Variants in TTLL11 observed in about 807,000 individuals in gnomAD.
The protein encoded by TTLL11 is tubulin polyglutamylase TTLL11.
In TTLL11, 42 loss-of-function variants were observed where a neutral mutation model predicts 51.7. The ratio of observed to expected loss-of-function variants is 0.81; its 90% CI spans 0.64 to 1.05. The LOEUF is 1.05. Among genes scored for constraint, TTLL11 ranks in the 50% least tolerant of loss-of-function variants. The pLI is 0.00. For synonymous variants in TTLL11, 381 were observed against 383.5 expected (o/e 0.99, Z 0.08); for missense variants, 799 against 940.4 (o/e 0.85, Z 1.97).
chr9:121,931,602 AAAAGAAAAG>A (rs1840984903), intron 6 of TTLL11, among the ~76,000 whole-genome samples: 2 of 150,606 alleles, frequency 1.3e-5, no homozygotes, highest in African/African-American at 4.9e-5. Context: ...AAAAAAAAAA[AAAAGAAAAG>A]AAAAGAAAGA....
chr9:121,852,921 GC>G (rs1837707707), intron 8 of TTLL11, among the ~76,000 whole-genome samples: 2 of 152,248 alleles, frequency 1.3e-5, no homozygotes, highest in African/African-American at 4.8e-5. Flanking sequence ...CGTGAAACTG[GC>G]CTACTTATCC....
rs1251076804 is a variant in TTLL11, at chr9:121,863,132, G to A, written c.1734-2689C>T. Among the ~76,000 whole-genome samples the A allele has an allele frequency of 4.6e-5, 7 of 152,176 alleles. No homozygotes were observed. In the South Asian group the frequency reaches 8.3e-4, roughly 18 times the overall value. On this transcript the variant is annotated intron_variant, in intron 7 of 8. Transcript: ENST00000321582. ...GGCTCCTGCTCCGTATTTCAATCAC[G>A]AGTCGCGGTGGCAGACTTCAAAGCA...
At chr9:121,904,179 CTT>C (rs200568154) in intron 6 of TTLL11, among the ~76,000 whole-genome samples, 20 of 142,586 alleles carry the variant, frequency 1.4e-4, no homozygotes, top group Admixed American at 1.4e-4. Context: ...TTGATACATT[CTT>C]TTTTTTTTTT....
intron 8 of TTLL11, among the ~76,000 whole-genome samples, chr9:121,834,384 C>T (rs924906712): frequency 4.6e-5 from 7 of 152,296 alleles, no homozygotes; most frequent in Non-Finnish European, 8.8e-5. Flanking sequence ...TGGTCCGGGT[C>T]CCAGCTCTCC....
chr9:122,070,116 C>A (rs1181208179), intron 1 of TTLL11, among the ~76,000 whole-genome samples: 1 of 151,958 alleles, frequency 6.6e-6, no homozygotes, highest in Non-Finnish European at 1.5e-5. Flanking sequence ...CCATGAAGAG[C>A]AACATATAGA....
At chr9:121,869,581 T>G (rs1838283734) in intron 7 of TTLL11, among the ~76,000 whole-genome samples, 2 of 152,230 alleles carry the variant, frequency 1.3e-5, no homozygotes, top group Admixed American at 6.5e-5. Flanking sequence ...CGAGACTCTG[T>G]GTAGGACCAT....
intron 6 of TTLL11, among the ~76,000 whole-genome samples, chr9:121,930,308 G>C (rs570710277): frequency 2.2e-4 from 34 of 152,188 alleles, no homozygotes; most frequent in Non-Finnish European, 3.8e-4. Flanking sequence ...CAAGGAGAGA[G>C]AAAAAGGCCT....
At chr9:121,831,607 G>GGA (rs2119124281) in intron 8 of TTLL11, among the ~76,000 whole-genome samples, 1 of 151,866 alleles carries the variant, frequency 6.6e-6, no homozygotes, top group Admixed American at 6.5e-5. Context: ...GGCTGAGCCA[G>GGA]GAGAATCACT....
intron 6 of TTLL11, among the ~76,000 whole-genome samples, chr9:121,949,306 A>G (rs1841779245): frequency 6.6e-6 from 1 of 152,178 alleles, no homozygotes; most frequent in African/African-American, 2.4e-5. Flanking sequence ...TTTGGGGAGG[A>G]AAATCATTGA....
chr9:121,915,437 G>A (rs1247286632), intron 6 of TTLL11, among the ~76,000 whole-genome samples: 2 of 152,168 alleles, frequency 1.3e-5, no homozygotes, highest in East Asian at 1.9e-4. Flanking sequence ...AGTTAGTTCC[G>A]CTTTCTTCTG....
intron 8 of TTLL11, among the ~76,000 whole-genome samples, chr9:121,841,786 A>G (rs553419684): frequency 6.6e-6 from 1 of 152,228 alleles, no homozygotes; most frequent in African/African-American, 2.4e-5. Flanking sequence ...GTTGTCTAGC[A>G]GCAGCCGTCG....
chr9:121,927,628 ATT>A (rs59367881), intron 6 of TTLL11, among the ~76,000 whole-genome samples: 6,784 of 144,032 alleles, frequency 0.047, 255 homozygotes, highest in African/African-American at 0.1. Flanking sequence ...AGAAGGTGGC[ATT>A]TTTTTTTTTT....
At chr9:121,921,168 A>C (rs1031630826) in intron 6 of TTLL11, among the ~76,000 whole-genome samples, 4 of 152,242 alleles carry the variant, frequency 2.6e-5, no homozygotes, top group African/African-American at 9.6e-5. Context: ...GGTATGCAAA[A>C]GACGTCCGTC....
intron 6 of TTLL11, among the ~76,000 whole-genome samples, chr9:121,899,362 T>TGA (rs1839662002): frequency 1.1e-5 from 1 of 93,064 alleles, no homozygotes; most frequent in Admixed American, 1.5e-4. Context: ...TGTATGTGTG[T>TGA]GTGTATATAT....
At chr9:122,047,522 C>T (rs947064962) in intron 1 of TTLL11, among the ~76,000 whole-genome samples, 3 of 151,888 alleles carry the variant, frequency 2.0e-5, no homozygotes, top group Admixed American at 6.6e-5. Flanking sequence ...GCCCCCACCC[C>T]CTCTCCCCAG....
At chr9:122,025,574 C>G (rs147789116) in intron 3 of TTLL11, among the ~76,000 whole-genome samples, 2 of 152,098 alleles carry the variant, frequency 1.3e-5, no homozygotes, top group African/African-American at 4.8e-5. Flanking sequence ...GAGCTGTGAT[C>G]GGGCCACTGC....
chr9:122,079,751 A>G (rs1421143606), intron 1 of TTLL11, among the ~76,000 whole-genome samples: 1 of 152,090 alleles, frequency 6.6e-6, no homozygotes. Flanking sequence ...TTTGGCAATA[A>G]AACTGCCAAA....
chr9:121,969,339 G>T (rs913200136), intron 6 of TTLL11, among the ~76,000 whole-genome samples: 3 of 152,112 alleles, frequency 2.0e-5, no homozygotes, highest in African/African-American at 7.2e-5. Context: ...GCCAAGGTGG[G>T]TGTCAGCAGA....
At position 122,066,736 on chromosome 9, in the gene TTLL11, T is replaced by C. The variant is rs535772378; in HGVS notation, c.462+25951A>G. On this transcript the variant is annotated intron_variant, in intron 1 of 8. Transcript: ENST00000321582. ...TCCCCTAATTAAGTCCAGAGTAGTA[T>C]GGTCCGTTTTCATACTGTTATCAAG... is the stretch of plus-strand genomic sequence containing the variant. 6.6e-5 allele frequency among the ~76,000 whole-genome samples: 10 copies of C among 152,298 alleles called. No individual in the cohort carries two copies. In the South Asian group the frequency reaches 2.1e-3, roughly 32 times the overall value.
Sources: gnomAD v4.1 joint callset for allele counts (sites outside exome capture counted in the v4.1 genomes callset) on GRCh38, gnomAD v4.1.1 for gene constraint, MANE v1.5 for transcripts, NCBI Gene and HGNC (gene_info 2026-07-23, HGNC 2026-07-21) for gene names.